Variants in RNF2 observed in about 807,000 individuals in gnomAD.
RNF2 encodes the protein E3 ubiquitin-protein ligase RING2.
Under a neutral mutation model 37.2 loss-of-function variants are expected in RNF2, and 6 were observed. That is an observed-to-expected ratio of 0.16 (90% confidence interval 0.09 to 0.32). The LOEUF (loss-of-function observed/expected upper bound fraction) is 0.32. Among genes scored for constraint, RNF2 ranks in the 10% least tolerant of loss-of-function variants. The pLI is 1.00. For synonymous variants in RNF2, 133 were observed against 132.7 expected, an observed-to-expected ratio of 1.00 and a Z score of -0.02; for missense variants, 251 against 404.0, an observed-to-expected ratio of 0.62 and a Z score of 3.25.
intron 2 of RNF2, among the ~76,000 whole-genome samples, chr1:185,090,102 A>G (rs1380072570): frequency 6.6e-6 from 1 of 151,884 alleles, no homozygotes. Context: ...TTGTATTTTT[A>G]GTAGAGACAG....
intron 4 of RNF2, among the ~76,000 whole-genome samples, chr1:185,093,746 A>G (rs1041121642): frequency 6.6e-6 from 1 of 152,228 alleles, no homozygotes; most frequent in African/African-American, 2.4e-5. Context: ...TCAGGAGGCC[A>G]TAGTCTCTTG....
At chr1:185,092,979 A>G (rs972255247) in intron 3 of RNF2, 82 bp from the exon 4 acceptor site, 2 of 1,146,804 alleles carry the variant, frequency 1.7e-6, no homozygotes, top group Admixed American at 1.8e-5. Context: ...AAGGTGAATA[A>G]CTATCCAGAA....
chr1:185,089,950 A>C lies in RNF2; in HGVS notation c.88-1629A>C, dbSNP rs118153445. On this transcript the variant is annotated intron_variant, in intron 2 of 6. Transcript: ENST00000367510. ...GGAGGCTTTTTTTTTGAGACAGAGTATCGCTCTGTCACCTAGGCTGGCATG... is the reference window on the plus strand; with the variant it reads ...GGAGGCTTTTTTTTTGAGACAGAGTCTCGCTCTGTCACCTAGGCTGGCATG... Among the ~76,000 whole-genome samples the C allele has an allele frequency of 5.8e-3, 884 of 152,014 alleles. 31 individuals are homozygous for C. In the East Asian group the frequency reaches 0.085, roughly 15 times the overall value.
Position 185,098,239 on chromosome 1 carries a change from A to C in RNF2, c.632A>C (p.Asn211Thr), listed in dbSNP as rs188117403. Reference sequence around the variant, plus strand: ...TCTGGGCTAGAGCTTGATAATAACAATGCAGCAATGGCAATTGATCCAGTA... The same window carrying C: ...TCTGGGCTAGAGCTTGATAATAACACTGCAGCAATGGCAATTGATCCAGTA... ...DDSGLELDNN[N>T]AAMAIDPVMD... The change falls in exon 5 of 7, where the codon AAT becomes ACT. Residue 211 changes from asparagine to threonine, a missense_variant. Transcript: ENST00000367510. 3 of 1,614,094 alleles carry C rather than the reference A, an allele frequency of 1.9e-6. No homozygotes were observed. Among genetic ancestry groups the C allele is most frequent in the Non-Finnish European group, 2.5e-6 (3 of 1,180,038 alleles).
chr1:185,067,366 A>T (rs1369098031), intron 1 of RNF2, among the ~76,000 whole-genome samples: 2 of 152,218 alleles, frequency 1.3e-5, no homozygotes, highest in African/African-American at 2.4e-5. Context: ...CTCACAATTT[A>T]TTATTTGCCT....
At chr1:185,084,228 A>G (rs1030330456) in intron 1 of RNF2, among the ~76,000 whole-genome samples, 3 of 151,840 alleles carry the variant, frequency 2.0e-5, no homozygotes, top group Non-Finnish European at 4.4e-5. Context: ...TCTTCTAGCT[A>G]TCTGTTGGCT....
chr1:185,054,827 A>G (rs530679592), intron 1 of RNF2, among the ~76,000 whole-genome samples: 1 of 152,082 alleles, frequency 6.6e-6, no homozygotes, highest in Non-Finnish European at 1.5e-5. Context: ...TTTCCTGAGT[A>G]GCTGGGACCA....
intron 1 of RNF2, among the ~76,000 whole-genome samples, chr1:185,066,916 A>C (rs928676659): frequency 6.6e-6 from 1 of 152,190 alleles, no homozygotes; most frequent in Non-Finnish European, 1.5e-5. Flanking sequence ...GATCACACTA[A>C]ATTATCTAGA....
intron 2 of RNF2, among the ~76,000 whole-genome samples, chr1:185,091,197 T>G (rs1651756326): frequency 6.6e-6 from 1 of 152,234 alleles, no homozygotes; most frequent in Non-Finnish European, 1.5e-5. Context: ...TTTCTCATTT[T>G]GCAGGTAAGA....
chr1:185,100,731 A>G lies in RNF2; in HGVS notation c.*430A>G, dbSNP rs1226474438. On this transcript the variant is annotated 3_prime_UTR_variant, in exon 7 of 7. Transcript: ENST00000367510. ...CTTTTTTTTTCCCCCGGAGTCTTGT[A>G]TATTTATAGTTTTCTATATAAACTG... 6.6e-6 allele frequency: 1 copy of G among 152,598 alleles called. No individual in the cohort carries two copies. The highest frequency in any genetic ancestry group is 1.5e-5 in the Non-Finnish European group (1 of 68,172). The allele number at this position is 152,598 out of a possible 1,614,324, so 9.5% of individuals were successfully genotyped here.
rs1187279842 is a variant in RNF2 at position 185,093,049 on chromosome 1, C to A, written c.249-12C>A. On this transcript the variant is annotated splice_polypyrimidine_tract_variant and intron_variant, in intron 3 of 6. Transcript: ENST00000367510. ...GCATTGTTTACATTTGCTTTCCCCT[C>A]CTTTTATTTAGCAACAAAGAATGTC... 1 of 1,612,606 alleles carries A rather than the reference C, an allele frequency of 6.2e-7. No individual in the cohort carries two copies. The highest frequency in any genetic ancestry group is 8.5e-7 in the Non-Finnish European group (1 of 1,179,000).
intron 1 of RNF2, among the ~76,000 whole-genome samples, chr1:185,085,634 G>T (rs540713233): frequency 1.3e-5 from 2 of 151,424 alleles, no homozygotes; most frequent in Admixed American, 1.3e-4. Flanking sequence ...TGAACGATTT[G>T]ATCATGTCAC....
rs1238192935 is a variant in RNF2, at chr1:185,093,050, C to T, written c.249-11C>T. 1.9e-6 allele frequency: 3 copies of T among 1,612,788 alleles called. No homozygotes were observed. The highest frequency in any genetic ancestry group is 1.3e-5 in the African/African-American group (1 of 74,884). On this transcript the variant is annotated splice_polypyrimidine_tract_variant and intron_variant, in intron 3 of 6. Transcript: ENST00000367510. Reference sequence around the variant, plus strand: ...CATTGTTTACATTTGCTTTCCCCTCCTTTTATTTAGCAACAAAGAATGTCC... The same window carrying T: ...CATTGTTTACATTTGCTTTCCCCTCTTTTTATTTAGCAACAAAGAATGTCC...
At chr1:185,095,405 C>T (rs1651884386) in intron 4 of RNF2, among the ~76,000 whole-genome samples, 1 of 152,170 alleles carries the variant, frequency 6.6e-6, no homozygotes, top group South Asian at 2.1e-4. Flanking sequence ...AACCTTCTTC[C>T]AAATAATCCA....
chr1:185,077,551 C>T (rs1012446964), intron 1 of RNF2, among the ~76,000 whole-genome samples: 12 of 150,294 alleles, frequency 8.0e-5, no homozygotes, highest in Non-Finnish European at 2.9e-5. Context: ...TTGAAGATAA[C>T]GTTCTCTGAC....
chr1:185,054,671 A>G (rs555888700), intron 1 of RNF2, among the ~76,000 whole-genome samples: 200 of 152,128 alleles, frequency 1.3e-3, no homozygotes, highest in African/African-American at 4.6e-3. Flanking sequence ...TTTCTTTTTA[A>G]TCTTTCTTTG....
intron 1 of RNF2, among the ~76,000 whole-genome samples, chr1:185,064,702 C>A (rs1022719648): frequency 6.6e-6 from 1 of 152,156 alleles, no homozygotes; most frequent in Non-Finnish European, 1.5e-5. Context: ...ATTTTGTCTT[C>A]AAATCCATGA....
At chr1:185,063,265 A>G (rs898375246) in intron 1 of RNF2, among the ~76,000 whole-genome samples, 4 of 152,236 alleles carry the variant, frequency 2.6e-5, no homozygotes, top group African/African-American at 9.6e-5. Context: ...AACTGGCTGC[A>G]CATAAAAACC....
At chr1:185,073,870 T>G (rs1373740515) in intron 1 of RNF2, among the ~76,000 whole-genome samples, 1 of 152,222 alleles carries the variant, frequency 6.6e-6, no homozygotes, top group Non-Finnish European at 1.5e-5. Context: ...CAACAGTTGA[T>G]TCAGTTCAGT....
Sources: gnomAD v4.1 joint callset for allele counts (sites outside exome capture counted in the v4.1 genomes callset) on GRCh38, gnomAD v4.1.1 for gene constraint, MANE v1.5 for transcripts, NCBI Gene and HGNC (gene_info 2026-07-23, HGNC 2026-07-21) for gene names.